The following GLI3 variants were observed in gnomAD, a reference collection of about 807,000 sequenced individuals.
GLI3 encodes the protein GLI family zinc finger 3, also known as transcription activator GLI3.
In GLI3, 20 loss-of-function variants were observed where a neutral mutation model predicts 100.8. The observed-to-expected ratio is 0.20, with a 90% CI of 0.14 to 0.29. GLI3 has a LOEUF of 0.29. Ranked by LOEUF, GLI3 falls within the 10% of genes least tolerant of loss-of-function variation. GLI3 has a pLI of 1.00. For missense variants in GLI3, 2,040 were observed against 2,128.5 expected (o/e 0.96, Z 0.82); for synonymous variants, 938 against 860.5 (o/e 1.09, Z -1.58).
Position 42,103,371 on chromosome 7 carries a change from T to C in GLI3, c.368-26514A>G, listed in dbSNP as rs562423510. On this transcript the variant is annotated intron_variant, in intron 3 of 14. Coordinates refer to ENST00000395925, the MANE Select transcript of GLI3 (RefSeq NM_000168.6). ...GGAGTATCAAAAACTTGTACACATG[T>C]CCTTAAACCCCCCACAGTGCCATAA... Among the ~76,000 whole-genome samples the C allele has an allele frequency of 7.9e-5, 12 of 152,216 alleles. No homozygotes were observed. The East Asian group carries it at 1.4e-3, about 17-fold the overall frequency.
At chr7:42,005,458 TACAC>T (rs3030321) in intron 10 of GLI3, among the ~76,000 whole-genome samples, 2,012 of 143,420 alleles carry the variant, frequency 0.014, 26 homozygotes, top group East Asian at 0.068. Context: ...TGAATTCACA[TACAC>T]ACACACACAC....
chr7:42,122,579 G>A (rs1786028913), intron 3 of GLI3, among the ~76,000 whole-genome samples: 1 of 152,146 alleles, frequency 6.6e-6, no homozygotes, highest in Non-Finnish European at 1.5e-5. Flanking sequence ...GAAGCTGAGG[G>A]GTTAAGTGAC....
intron 3 of GLI3, among the ~76,000 whole-genome samples, chr7:42,142,915 G>A (rs1001676277): frequency 7.3e-6 from 1 of 137,474 alleles, no homozygotes; most frequent in African/African-American, 2.8e-5. Flanking sequence ...CAGCCTGGGC[G>A]AGAGCAAGAC....
intron 12 of GLI3, 76 bp downstream of exon 12, chr7:41,977,482 G>T: frequency 6.9e-7 from 1 of 1,450,128 alleles, no homozygotes; most frequent in Non-Finnish European, 9.6e-7. Context: ...AGAACACACT[G>T]CGCCTTCCCA....
At chr7:41,999,256 T>C (rs1018388615) in intron 10 of GLI3, among the ~76,000 whole-genome samples, 4 of 152,302 alleles carry the variant, frequency 2.6e-5, no homozygotes, top group African/African-American at 4.8e-5. Context: ...CCTTCATCAC[T>C]GTATGCACAA....
At chr7:42,073,544 T>C (rs1212564870) in intron 4 of GLI3, among the ~76,000 whole-genome samples, 2 of 152,254 alleles carry the variant, frequency 1.3e-5, no homozygotes, top group Non-Finnish European at 2.9e-5. Flanking sequence ...TTCTGCACCA[T>C]ATCGTTGATG....
At chr7:41,987,111 C>G (rs951196480) in intron 10 of GLI3, among the ~76,000 whole-genome samples, 22 of 151,586 alleles carry the variant, frequency 1.5e-4, no homozygotes, top group South Asian at 1.1e-3. Flanking sequence ...GACACACACA[C>G]ACACACACAC....
At chr7:42,036,303 GA>G (rs2128736775) in intron 7 of GLI3, among the ~76,000 whole-genome samples, 1 of 152,276 alleles carries the variant, frequency 6.6e-6, no homozygotes, top group Non-Finnish European at 1.5e-5. Context: ...CCACCATGTA[GA>G]AACTTACTTT....
chr7:42,233,939 G>T (rs984796682), intron 1 of GLI3, among the ~76,000 whole-genome samples: 3 of 152,106 alleles, frequency 2.0e-5, no homozygotes, highest in Non-Finnish European at 4.4e-5. Flanking sequence ...TGCCTCTCAT[G>T]ATATAAGTTG....
intron 3 of GLI3, among the ~76,000 whole-genome samples, chr7:42,085,261 A>G (rs1785079925): frequency 6.6e-6 from 1 of 152,184 alleles, no homozygotes; most frequent in Admixed American, 6.5e-5. Flanking sequence ...TTAGTTAGGA[A>G]ACCAACAACT....
chr7:42,243,922 C>T (rs1356315028), intron 1 of GLI3, among the ~76,000 whole-genome samples: 2 of 152,192 alleles, frequency 1.3e-5, no homozygotes, highest in Non-Finnish European at 2.9e-5. Flanking sequence ...AAACTTCCAC[C>T]TCCCGGGTTC....
chr7:42,094,478 G>A (rs1417910934), intron 3 of GLI3, among the ~76,000 whole-genome samples: 1 of 152,108 alleles, frequency 6.6e-6, no homozygotes, highest in African/African-American at 2.4e-5. Context: ...GTGGGCGCCT[G>A]TAATCCCAGC....
rs898603428 is a variant in GLI3, at chr7:42,201,990, G to A, written c.124+21140C>T. ...CCAGCTACTCAGGAGGCTGAGGCAG[G>A]AGAATCGCTTGAACCCAGGAGGCAG... On this transcript the variant is annotated intron_variant, in intron 2 of 14. Transcript: ENST00000395925. Among the ~76,000 whole-genome samples the A allele has an allele frequency of 8.0e-5, 12 of 149,556 alleles. No homozygotes were observed. In the Admixed American group the frequency reaches 8.1e-4, roughly 10 times the overall value.
chr7:41,987,328 C>A (rs1475044196), intron 10 of GLI3, among the ~76,000 whole-genome samples: 1 of 151,976 alleles, frequency 6.6e-6, no homozygotes, highest in Non-Finnish European at 1.5e-5. Context: ...GCCACCACTC[C>A]CAGCTAATTT....
Position 41,964,900 on chromosome 7 carries a change from G to A in GLI3, c.4173C>T (p.Gly1391=). The A allele has an allele frequency of 6.2e-7, 1 of 1,613,752 alleles. No individual in the cohort carries two copies. Residue 1391 remains glycine, a synonymous_variant, in exon 15 of 15, where the codon GGC becomes GGT. Transcript: ENST00000395925. ...RGYQPCASFG[G]SRRQAMPRDS... is the part of the protein sequence containing the mutation. ...CCCTCGGCATAGCCTGGCGCCTGCT[G>A]CCCCCAAAGCTGGCACATGGCTGGT...
At chr7:42,025,524 C>T (rs1789087737) in intron 8 of GLI3, 147 bp from the exon 9 acceptor site, 2 of 700,510 alleles carry the variant, frequency 2.9e-6, no homozygotes, top group Non-Finnish European at 5.2e-6. Flanking sequence ...CCAGTGTAAG[C>T]AGAGTTCAGA....
chr7:42,197,678 G>A (rs925210163), intron 2 of GLI3, among the ~76,000 whole-genome samples: 1 of 152,240 alleles, frequency 6.6e-6, no homozygotes, highest in African/African-American at 2.4e-5. Context: ...GTTCCGGTCA[G>A]CGGGAGGTAC....
At chr7:42,063,280 C>A (rs1176355579) in intron 4 of GLI3, among the ~76,000 whole-genome samples, 1 of 151,970 alleles carries the variant, frequency 6.6e-6, no homozygotes, top group East Asian at 1.9e-4. Context: ...ATTTTTTGAC[C>A]AAATACATAC....
intron 2 of GLI3, among the ~76,000 whole-genome samples, chr7:42,163,146 A>G (rs1048980783): frequency 1.3e-5 from 2 of 151,982 alleles, no homozygotes; most frequent in Admixed American, 6.5e-5. Context: ...CTTCCTTGCC[A>G]AAGGCCTCAT....
Sources: allele counts gnomAD v4.1 joint callset (sites outside exome capture counted in the v4.1 genomes callset), GRCh38; gene constraint gnomAD v4.1.1; transcripts MANE v1.5; gene names NCBI Gene and HGNC (gene_info 2026-07-23, HGNC 2026-07-21).